Variants in KCNIP4 observed in about 807,000 individuals in gnomAD.
KCNIP4 encodes the protein Kv channel-interacting protein 4.
Under a neutral mutation model 34.0 loss-of-function variants are expected in KCNIP4, and 12 were observed. That is an observed-to-expected ratio of 0.35 (90% CI 0.23 to 0.57). The LOEUF (loss-of-function observed/expected upper bound fraction) is 0.57. Ranked by LOEUF, KCNIP4 falls within the 20% of genes least tolerant of loss-of-function variation. The pLI is 0.83. For synonymous variants in KCNIP4, 124 were observed against 102.2 expected, an observed-to-expected ratio of 1.21 and a Z score of -1.29; for missense variants, 238 against 311.7, an observed-to-expected ratio of 0.76 and a Z score of 1.78.
intron 1 of KCNIP4, among the ~76,000 whole-genome samples, chr4:21,145,152 T>C (rs1370539952): frequency 6.6e-6 from 1 of 152,172 alleles, no homozygotes; most frequent in Non-Finnish European, 1.5e-5. Flanking sequence ...CTCAAAACCC[T>C]TCCCCGCTCT....
chr4:21,657,411 C>A (rs1748051634), intron 1 of KCNIP4, among the ~76,000 whole-genome samples: 1 of 152,106 alleles, frequency 6.6e-6, no homozygotes, highest in Non-Finnish European at 1.5e-5. Flanking sequence ...CCAGGCAAGG[C>A]AAATCACTTT....
intron 1 of KCNIP4, among the ~76,000 whole-genome samples, chr4:21,040,551 T>C (rs550407877): frequency 2.0e-5 from 3 of 152,314 alleles, no homozygotes; most frequent in South Asian, 4.1e-4. Context: ...GTGCATTTTG[T>C]TTTTTACCAC....
intron 1 of KCNIP4, among the ~76,000 whole-genome samples, chr4:21,500,195 G>A (rs116529852): frequency 4.7e-4 from 71 of 152,114 alleles, no homozygotes; most frequent in African/African-American, 1.4e-3. Flanking sequence ...CAATACTAGC[G>A]TTTCGAAAAA....
intron 1 of KCNIP4, among the ~76,000 whole-genome samples, chr4:21,300,113 T>C (rs533083790): frequency 2.6e-5 from 4 of 152,294 alleles, no homozygotes; most frequent in Admixed American, 6.5e-5. Flanking sequence ...AGGATGGTTC[T>C]TTCTTAATTC....
chr4:21,082,604 T>A (rs1024149681), intron 1 of KCNIP4, among the ~76,000 whole-genome samples: 1 of 151,422 alleles, frequency 6.6e-6, no homozygotes, highest in Non-Finnish European at 1.5e-5. Context: ...TTACAGTGTC[T>A]GGGGCAGGAG....
At chr4:21,189,536 T>C (rs966431358) in intron 1 of KCNIP4, among the ~76,000 whole-genome samples, 1 of 152,216 alleles carries the variant, frequency 6.6e-6, no homozygotes, top group Non-Finnish European at 1.5e-5. Flanking sequence ...AACCCACTTA[T>C]GTTTTAAAAG....
In KCNIP4 at chr4:20,877,040, T is replaced by C. The variant is rs138580175; in HGVS notation, c.163+5568A>G. 8.5e-5 allele frequency among the ~76,000 whole-genome samples: 13 copies of C among 152,294 alleles called. No individual in the cohort carries two copies. In the East Asian group the frequency reaches 2.3e-3, roughly 27 times the overall value. On this transcript the variant is annotated intron_variant, in intron 2 of 8. Transcript: ENST00000382152. Reference sequence around the variant, plus strand: ...TAGCCTCCTTCTTTCTAAATGCTACTATGGTTCTGGAAGGCTGACCTTTGT... The same window carrying C: ...TAGCCTCCTTCTTTCTAAATGCTACCATGGTTCTGGAAGGCTGACCTTTGT...
At chr4:21,288,818 C>A (rs943050255) in intron 1 of KCNIP4, among the ~76,000 whole-genome samples, 1 of 152,182 alleles carries the variant, frequency 6.6e-6, no homozygotes, top group Non-Finnish European at 1.5e-5. Flanking sequence ...TGTATGAGAA[C>A]ATGTGGTATT....
chr4:21,694,943 A>AAAC lies in KCNIP4; in HGVS notation c.61+253627_61+253628insGTT, dbSNP rs1560637409. Among the ~76,000 whole-genome samples the AAAC allele has an allele frequency of 2.2e-4, 10 of 45,390 alleles. 1 individual carries two copies. Among genetic ancestry groups the AAAC allele is most frequent in the African/African-American group, 4.4e-4 (8 of 18,078 alleles). 29.8% of individuals were successfully genotyped at this position (45,390 alleles called of 152,430 possible). ...AAAAAAAAAAAAATAAAAATAAATA[A>AAAC]ATAAATAAAGGGCTTTTTGGTAAAA... On this transcript the variant is annotated intron_variant, in intron 1 of 8. Coordinates refer to ENST00000382152, the MANE Select transcript of KCNIP4 (RefSeq NM_025221.6).
chr4:21,114,743 C>T (rs1749543786), intron 1 of KCNIP4, among the ~76,000 whole-genome samples: 2 of 152,072 alleles, frequency 1.3e-5, no homozygotes, highest in Admixed American at 6.6e-5. Flanking sequence ...TAAATACCAT[C>T]ATTTTCCGAT....
intron 1 of KCNIP4, among the ~76,000 whole-genome samples, chr4:21,237,001 A>G (rs141742380): frequency 0.021 from 3,096 of 146,662 alleles, 47 homozygotes; most frequent in South Asian, 0.03. Flanking sequence ...GGGAGACTCC[A>G]TCATGGAAAA....
intron 1 of KCNIP4, among the ~76,000 whole-genome samples, chr4:21,195,442 A>G (rs1463395024): frequency 1.3e-5 from 2 of 152,204 alleles, no homozygotes; most frequent in Non-Finnish European, 2.9e-5. Context: ...TCTATTAAGG[A>G]GCTAGGAAAA....
chr4:21,613,174 A>T (rs751141802), intron 1 of KCNIP4, among the ~76,000 whole-genome samples: 1 of 152,188 alleles, frequency 6.6e-6, no homozygotes, highest in Non-Finnish European at 1.5e-5. Flanking sequence ...AACATGAGCC[A>T]GCCTCCTACA....
intron 1 of KCNIP4, among the ~76,000 whole-genome samples, chr4:21,890,830 T>TG (rs1727049697): frequency 1.3e-5 from 2 of 152,194 alleles, no homozygotes; most frequent in South Asian, 4.2e-4. Context: ...GATGGTACAA[T>TG]GTCCAAGAAG....
At chr4:21,028,915 CT>C (rs1171864593) in intron 1 of KCNIP4, among the ~76,000 whole-genome samples, 1 of 152,162 alleles carries the variant, frequency 6.6e-6, no homozygotes, top group African/African-American at 2.4e-5. Context: ...ATCTAGTGAA[CT>C]TCATGTTGCT....
At chr4:21,109,563 C>G (rs1376660074) in intron 1 of KCNIP4, among the ~76,000 whole-genome samples, 2 of 152,238 alleles carry the variant, frequency 1.3e-5, no homozygotes, top group Non-Finnish European at 2.9e-5. Context: ...CCGAGTGAGG[C>G]AATGCCTGGC....
intron 1 of KCNIP4, among the ~76,000 whole-genome samples, chr4:21,891,677 T>C (rs1419824280): frequency 1.3e-5 from 2 of 152,114 alleles, no homozygotes; most frequent in African/African-American, 4.8e-5. Flanking sequence ...GTTTTTCTCA[T>C]AACATTTTGT....
chr4:20,916,986 TATATATATATATATATATA>T (rs1728885611), intron 1 of KCNIP4, among the ~76,000 whole-genome samples: 13 of 78,898 alleles, frequency 1.6e-4, no homozygotes, highest in South Asian at 6.1e-4. Flanking sequence ...ATCTTATGTT[TATATATATATATATATATA>T]TATATATATA....
intron 1 of KCNIP4, among the ~76,000 whole-genome samples, chr4:21,467,060 CCAAACCAAAACAA>C (rs1730014789): frequency 7.3e-6 from 1 of 137,488 alleles, no homozygotes; most frequent in Non-Finnish European, 1.5e-5. Context: ...CCAAACCAAA[CCAAACCAAAACAA>C]ACACACACAC....
Sources: gnomAD v4.1 joint callset for allele counts (sites outside exome capture counted in the v4.1 genomes callset) on GRCh38, gnomAD v4.1.1 for gene constraint, MANE v1.5 for transcripts, NCBI Gene and HGNC (gene_info 2026-07-23, HGNC 2026-07-21) for gene names.